CDH13: variants seen among roughly 807,000 people sequenced by gnomAD.
CDH13 encodes cadherin 13.
Under a neutral mutation model 63.8 loss-of-function variants are expected in CDH13, and 24 were observed. The observed-to-expected ratio is 0.38, with a 90% CI of 0.27 to 0.53. CDH13 has a LOEUF of 0.53. CDH13 is among the 20% of genes least tolerant of loss of function. The probability of loss-of-function intolerance (pLI) is 0.85; values close to 1 mark genes in which losing one functional copy is unlikely to be tolerated. For missense variants in CDH13, 1,049 were observed against 903.1 expected (o/e 1.16, Z -2.07); for synonymous variants, 503 against 355.3 (o/e 1.42, Z -4.67).
intron 7 of CDH13, among the ~76,000 whole-genome samples, chr16:83,495,861 A>G (rs1455856297): frequency 3.3e-5 from 5 of 152,192 alleles, no homozygotes; most frequent in Non-Finnish European, 1.5e-5. Context: ...TTATATAACC[A>G]TTAACAGACA....
intron 4 of CDH13, among the ~76,000 whole-genome samples, chr16:83,143,052 C>A (rs564328968): frequency 1.3e-5 from 2 of 152,288 alleles, no homozygotes; most frequent in African/African-American, 2.4e-5. Flanking sequence ...TGCCATAAGC[C>A]AAGATCGTGC....
intron 6 of CDH13, among the ~76,000 whole-genome samples, chr16:83,383,982 G>C (rs146549442): frequency 1.3e-5 from 2 of 151,994 alleles, no homozygotes; most frequent in Non-Finnish European, 2.9e-5. Flanking sequence ...ACAAATATAC[G>C]TACATATATA....
At chr16:83,564,880 G>A (rs1013382457) in intron 7 of CDH13, among the ~76,000 whole-genome samples, 7 of 152,214 alleles carry the variant, frequency 4.6e-5, no homozygotes, top group African/African-American at 1.7e-4. Context: ...AATTGTCTGA[G>A]TCCTGCAGTA....
At chr16:83,445,237 A>G (rs2072644067) in intron 6 of CDH13, among the ~76,000 whole-genome samples, 1 of 56,434 alleles carries the variant, frequency 1.8e-5, no homozygotes, top group Admixed American at 1.9e-4. Flanking sequence ...GCGAGAGTTT[A>G]TAATTTATAA....
At chr16:82,928,098 T>A (rs1022574784) in intron 2 of CDH13, among the ~76,000 whole-genome samples, 5 of 152,160 alleles carry the variant, frequency 3.3e-5, no homozygotes, top group Non-Finnish European at 5.9e-5. Flanking sequence ...TTCAGAACTA[T>A]GATCATACCA....
intron 2 of CDH13, among the ~76,000 whole-genome samples, chr16:82,881,708 C>T (rs1052203469): frequency 7.2e-5 from 11 of 152,274 alleles, no homozygotes; most frequent in Admixed American, 1.3e-4. Flanking sequence ...AGACAGCTTC[C>T]ATAGTCACTA....
At chr16:82,798,995 C>G (rs539942187) in intron 1 of CDH13, among the ~76,000 whole-genome samples, 8 of 152,276 alleles carry the variant, frequency 5.3e-5, no homozygotes, top group Admixed American at 6.5e-5. Context: ...AGGATTCCAA[C>G]CTGGGCAGTC....
At chr16:83,083,703 C>T (rs1282942085) in intron 3 of CDH13, among the ~76,000 whole-genome samples, 1 of 152,204 alleles carries the variant, frequency 6.6e-6, no homozygotes, top group Non-Finnish European at 1.5e-5. Context: ...CAATATGAGC[C>T]TCTAGCTATA....
At chr16:83,368,935 T>TAC (rs1465007976) in intron 6 of CDH13, among the ~76,000 whole-genome samples, 23 of 110,728 alleles carry the variant, frequency 2.1e-4, no homozygotes, top group African/African-American at 7.1e-4. Context: ...TATATATATA[T>TAC]ATACTAGGTT....
At chr16:83,784,631 C>CA (rs575073144) in intron 13 of CDH13, among the ~76,000 whole-genome samples, 32,063 of 100,894 alleles carry the variant, frequency 0.32, 4,788 homozygotes, top group East Asian at 0.55. Context: ...GGCTCTGTCT[C>CA]AAAAAAAAAA....
chr16:83,415,037 AAGAG>A (rs751312241), intron 6 of CDH13, among the ~76,000 whole-genome samples: 3 of 152,136 alleles, frequency 2.0e-5, no homozygotes, highest in African/African-American at 4.8e-5. Flanking sequence ...AAGGGGAAAA[AAGAG>A]AGAAGATTCA....
intron 1 of CDH13, 80 bp downstream of exon 1, chr16:82,627,217 C>T: frequency 7.9e-7 from 1 of 1,271,772 alleles, no homozygotes; most frequent in Non-Finnish European, 1.1e-6. Flanking sequence ...GGTGAGGGGG[C>T]TTTCGGGGGG....
At chr16:82,662,133 A>G (rs1912019977) in intron 1 of CDH13, among the ~76,000 whole-genome samples, 1 of 152,228 alleles carries the variant, frequency 6.6e-6, no homozygotes, top group African/African-American at 2.4e-5. Flanking sequence ...CATATTCTCA[A>G]TGAAGTAAAT....
At chr16:83,452,221 G>A (rs935589304) in intron 6 of CDH13, among the ~76,000 whole-genome samples, 3 of 152,166 alleles carry the variant, frequency 2.0e-5, no homozygotes, top group Admixed American at 6.5e-5. Flanking sequence ...TGTGACAGTC[G>A]GTAGTATGTC....
At chr16:83,573,592 C>T (rs1904842590) in intron 7 of CDH13, among the ~76,000 whole-genome samples, 1 of 152,154 alleles carries the variant, frequency 6.6e-6, no homozygotes, top group African/African-American at 2.4e-5. Flanking sequence ...GGGGCCTATG[C>T]ACAGTTGCCA....
chr16:83,241,482 T>C (rs1438975052), intron 5 of CDH13, among the ~76,000 whole-genome samples: 2 of 152,240 alleles, frequency 1.3e-5, no homozygotes, highest in South Asian at 4.1e-4. Context: ...TTCATGTCTT[T>C]TCAATACTTA....
intron 6 of CDH13, among the ~76,000 whole-genome samples, chr16:83,411,680 TTTG>T (rs1308196338): frequency 6.6e-6 from 1 of 152,186 alleles, no homozygotes; most frequent in Non-Finnish European, 1.5e-5. Flanking sequence ...TGTAGTACCT[TTTG>T]TTCTCTGATA....
chr16:82,629,642 G>A (rs1233376347), intron 1 of CDH13, among the ~76,000 whole-genome samples: 2 of 152,324 alleles, frequency 1.3e-5, no homozygotes, highest in South Asian at 2.1e-4. Context: ...GTAAAGCATC[G>A]GGTCTGGCTT....
At chr16:82,973,236 G>A (rs923281207) in intron 2 of CDH13, among the ~76,000 whole-genome samples, 4 of 152,176 alleles carry the variant, frequency 2.6e-5, no homozygotes, top group Admixed American at 6.5e-5. Flanking sequence ...CATTTTGTCT[G>A]GAGAAGTTTG....
Sources: gnomAD v4.1 joint callset for allele counts (sites outside exome capture counted in the v4.1 genomes callset) on GRCh38, gnomAD v4.1.1 for gene constraint, MANE v1.5 for transcripts, NCBI Gene and HGNC (gene_info 2026-07-23, HGNC 2026-07-21) for gene names.